THSD7B: variants seen among roughly 807,000 people sequenced by gnomAD.
THSD7B encodes thrombospondin type-1 domain-containing protein 7B.
A neutral mutation model predicts 213.6 loss-of-function variants in THSD7B; 138 were observed. The observed-to-expected ratio is 0.65, with a 90% CI of 0.56 to 0.74. The LOEUF is 0.74. Among genes scored for constraint, THSD7B ranks in the 30% least tolerant of loss-of-function variants. THSD7B has a pLI of 0.00. For missense variants in THSD7B, 1,931 were observed against 1,991.5 expected (o/e 0.97, Z 0.58); for synonymous variants, 742 against 687.0 (o/e 1.08, Z -1.25).
At chr2:136,988,292 G>A (rs891778975) in intron 2 of THSD7B, among the ~76,000 whole-genome samples, 4 of 152,180 alleles carry the variant, frequency 2.6e-5, no homozygotes, top group Admixed American at 1.3e-4. Flanking sequence ...AAGTGGAGCA[G>A]GGATGCTAAT....
At chr2:137,074,469 C>G (rs945368770) in intron 3 of THSD7B, among the ~76,000 whole-genome samples, 6 of 152,080 alleles carry the variant, frequency 3.9e-5, no homozygotes, top group Non-Finnish European at 5.9e-5. Context: ...TATTTTGAGC[C>G]CATGTGTGTC....
At chr2:137,514,963 C>A (rs1243527587) in intron 15 of THSD7B, among the ~76,000 whole-genome samples, 2 of 152,168 alleles carry the variant, frequency 1.3e-5, no homozygotes, top group East Asian at 1.9e-4. Context: ...GCTTCAGAAG[C>A]AAATACTGAA....
intron 7 of THSD7B, among the ~76,000 whole-genome samples, chr2:137,224,160 C>G (rs1400827743): frequency 6.6e-6 from 1 of 152,194 alleles, no homozygotes; most frequent in African/African-American, 2.4e-5. Context: ...GCTCCTAAAT[C>G]ATAGAGTCTG....
chr2:137,594,109 G>A (rs1176904160), intron 17 of THSD7B, among the ~76,000 whole-genome samples: 1 of 151,956 alleles, frequency 6.6e-6, no homozygotes, highest in Non-Finnish European at 1.5e-5. Flanking sequence ...AGGCAAGGGT[G>A]CTATTTCAAA....
intron 2 of THSD7B, among the ~76,000 whole-genome samples, chr2:137,048,887 A>G (rs148373729): frequency 2.0e-3 from 306 of 152,306 alleles, no homozygotes; most frequent in African/African-American, 7.2e-3. Context: ...TGAAGTCAAT[A>G]CCTAGGCTTT....
chr2:137,400,557 G>A (rs1686331727), intron 12 of THSD7B, among the ~76,000 whole-genome samples: 3 of 152,162 alleles, frequency 2.0e-5, no homozygotes, highest in Non-Finnish European at 4.4e-5. Context: ...CTGGGTGGAT[G>A]AGCAGGCTGA....
At chr2:136,847,565 A>T (rs1049169645) in intron 1 of THSD7B, among the ~76,000 whole-genome samples, 8 of 152,116 alleles carry the variant, frequency 5.3e-5, no homozygotes, top group Admixed American at 1.3e-4. Flanking sequence ...TTTTTCATAG[A>T]CAGAATCTAT....
chr2:137,174,773 T>C (rs1353773401), intron 7 of THSD7B, among the ~76,000 whole-genome samples: 1 of 152,202 alleles, frequency 6.6e-6, no homozygotes, highest in African/African-American at 2.4e-5. Context: ...TTGATTTCTG[T>C]CCTCTGCACA....
intron 3 of THSD7B, among the ~76,000 whole-genome samples, chr2:137,077,281 A>T (rs980911552): frequency 2.6e-5 from 4 of 152,142 alleles, no homozygotes; most frequent in Non-Finnish European, 5.9e-5. Flanking sequence ...TGCCGCAATA[A>T]ACATACTTGT....
At chr2:136,883,751 C>T (rs2104992954) in intron 2 of THSD7B, among the ~76,000 whole-genome samples, 1 of 152,204 alleles carries the variant, frequency 6.6e-6, no homozygotes, top group Non-Finnish European at 1.5e-5. Context: ...ATGGTAAAAA[C>T]AAACTCTACA....
At chr2:137,669,775 G>A (rs1683524579) in intron 27 of THSD7B, among the ~76,000 whole-genome samples, 1 of 152,128 alleles carries the variant, frequency 6.6e-6, no homozygotes, top group Non-Finnish European at 1.5e-5. Flanking sequence ...TTTCCCCTAA[G>A]TATTTAAAAG....
chr2:137,242,959 C>T (rs766727772), intron 10 of THSD7B, among the ~76,000 whole-genome samples: 4 of 151,950 alleles, frequency 2.6e-5, no homozygotes, highest in Non-Finnish European at 5.9e-5. Context: ...ATATAGGGCT[C>T]GAATACAATG....
chr2:137,507,577 TA>T (rs1211675683), intron 15 of THSD7B, among the ~76,000 whole-genome samples: 6 of 152,198 alleles, frequency 3.9e-5, no homozygotes, highest in Non-Finnish European at 8.8e-5. Flanking sequence ...AATTAGGTAA[TA>T]AATGGGAATA....
At chr2:137,054,066 T>C (rs1331982455) in intron 2 of THSD7B, among the ~76,000 whole-genome samples, 1 of 152,204 alleles carries the variant, frequency 6.6e-6, no homozygotes. Context: ...CCAATCACTT[T>C]CAAGTAACAA....
intron 12 of THSD7B, among the ~76,000 whole-genome samples, chr2:137,303,290 G>A (rs957489680): frequency 1.3e-5 from 2 of 152,130 alleles, no homozygotes; most frequent in Non-Finnish European, 2.9e-5. Flanking sequence ...CCAAAGTTTT[G>A]AGATGACAGG....
At chr2:137,458,621 TGCA>T (rs1687818143) in intron 15 of THSD7B, among the ~76,000 whole-genome samples, 1 of 152,194 alleles carries the variant, frequency 6.6e-6, no homozygotes, top group Non-Finnish European at 1.5e-5. Flanking sequence ...TTCATAATTC[TGCA>T]GTAGTTGAGA....
At chr2:137,617,511 G>T (rs1050717507) in intron 18 of THSD7B, among the ~76,000 whole-genome samples, 4 of 152,108 alleles carry the variant, frequency 2.6e-5, no homozygotes, top group African/African-American at 7.2e-5. Context: ...TATAGTTTCT[G>T]TAACAGTCCA....
intron 10 of THSD7B, among the ~76,000 whole-genome samples, chr2:137,247,604 C>G (rs538235465): frequency 1.3e-5 from 2 of 152,204 alleles, no homozygotes; most frequent in South Asian, 2.1e-4. Flanking sequence ...TGAAGGAACT[C>G]CTTTAACTTT....
intron 12 of THSD7B, among the ~76,000 whole-genome samples, chr2:137,318,679 C>T (rs1474451016): frequency 2.0e-5 from 3 of 151,008 alleles, no homozygotes; most frequent in Non-Finnish European, 4.4e-5. Flanking sequence ...ACCTAATTGT[C>T]TGTGTTTAAC....
Sources: allele counts gnomAD v4.1 joint callset (sites outside exome capture counted in the v4.1 genomes callset), GRCh38; gene constraint gnomAD v4.1.1; transcripts MANE v1.5; gene names NCBI Gene and HGNC (gene_info 2026-07-23, HGNC 2026-07-21).